The following DENND2C variants were observed in gnomAD, a reference collection of about 807,000 sequenced individuals.
The protein encoded by DENND2C is DENN domain-containing protein 2C.
DENND2C carries 72 observed loss-of-function variants against 112.4 expected under a neutral mutation model. The ratio of observed to expected loss-of-function variants is 0.64; its 90% CI spans 0.53 to 0.78. DENND2C has a LOEUF of 0.78. Among genes scored for constraint, DENND2C ranks in the 30% least tolerant of loss-of-function variants. The probability of loss-of-function intolerance (pLI) is 0.00; values close to 1 mark genes in which losing one functional copy is unlikely to be tolerated. For missense variants in DENND2C, 992 were observed against 1,113.8 expected (o/e 0.89, Z 1.56); for synonymous variants, 329 against 381.6 (o/e 0.86, Z 1.61).
At chr1:114,654,996 T>G (rs1657269705) in intron 1 of DENND2C, among the ~76,000 whole-genome samples, 1 of 152,190 alleles carries the variant, frequency 6.6e-6, no homozygotes, top group Non-Finnish European at 1.5e-5. Context: ...TATGGCTTAT[T>G]GACCAGGACT....
chr1:114,620,864 T>C (rs766233952), intron 7 of DENND2C, among the ~76,000 whole-genome samples: 10 of 152,034 alleles, frequency 6.6e-5, no homozygotes, highest in Non-Finnish European at 1.2e-4. Flanking sequence ...AAGGAACAAA[T>C]CAACAGTTAC....
At chr1:114,608,549 T>C (rs533916497) in intron 10 of DENND2C, 137 bp downstream of exon 10, 35 of 963,020 alleles carry the variant, frequency 3.6e-5, no homozygotes, top group Non-Finnish European at 5.1e-5. Flanking sequence ...TAAGATGTTT[T>C]CAAAGCCACC....
intron 7 of DENND2C, 25 bp downstream of exon 7, chr1:114,621,870 A>G: frequency 6.5e-7 from 1 of 1,549,818 alleles, no homozygotes; most frequent in Non-Finnish European, 8.7e-7. Flanking sequence ...TAAGAGTCAA[A>G]GAATGAAAGC....
rs1655971490 is a variant in DENND2C at position 114,616,332 on chromosome 1, C to A, written c.1324+2054G>T. On this transcript the variant is annotated intron_variant, in intron 8 of 20. Coordinates refer to ENST00000393274, the MANE Select transcript of DENND2C (RefSeq NM_001256404.2). Reference sequence around the variant, plus strand: ...ACTTGAATCCAGAAGGCAGAGGTTGCAGTGAGCTGAAATTGCACCACTGCA... The same window carrying A: ...ACTTGAATCCAGAAGGCAGAGGTTGAAGTGAGCTGAAATTGCACCACTGCA... Among the ~76,000 whole-genome samples the A allele has an allele frequency of 4.0e-5, 6 of 150,886 alleles. No individual in the cohort carries two copies. The South Asian group carries it at 1.3e-3, about 32-fold the overall frequency.
chr1:114,615,452 CTTCT>C (rs1264971215), intron 8 of DENND2C, among the ~76,000 whole-genome samples: 13 of 152,336 alleles, frequency 8.5e-5, no homozygotes, highest in African/African-American at 1.2e-4. Flanking sequence ...TCTGTCTTAG[CTTCT>C]TTGTTTGTAA....
Position 114,624,308 on chromosome 1 carries a change from T to G in DENND2C, c.807-665A>C, listed in dbSNP as rs928442042. On this transcript the variant is annotated intron_variant, in intron 4 of 20. Coordinates refer to ENST00000393274, the MANE Select transcript of DENND2C (RefSeq NM_001256404.2). Reference sequence around the variant, plus strand: ...ATTTTTTTGAATTTAATTTTTATTTTATGTTATTTTAGAGGCAGGGTCTCA... The same window carrying G: ...ATTTTTTTGAATTTAATTTTTATTTGATGTTATTTTAGAGGCAGGGTCTCA... 2.0e-5 allele frequency among the ~76,000 whole-genome samples: 3 copies of G among 152,154 alleles called. No homozygotes were observed. In the East Asian group the frequency reaches 5.8e-4, roughly 29 times the overall value.
At chr1:114,605,944 C>T (rs1171693755) in intron 10 of DENND2C, among the ~76,000 whole-genome samples, 1 of 152,176 alleles carries the variant, frequency 6.6e-6, no homozygotes, top group Non-Finnish European at 1.5e-5. Flanking sequence ...TGGTACTGTA[C>T]TTATATGACA....
chr1:114,616,940 C>A (rs767967120), intron 8 of DENND2C, among the ~76,000 whole-genome samples: 3 of 152,166 alleles, frequency 2.0e-5, no homozygotes, highest in Admixed American at 2.0e-4. Context: ...GCCTCAGAAT[C>A]ATGGTGGGAG....
chr1:114,613,531 T>C (rs1234310710), intron 8 of DENND2C, among the ~76,000 whole-genome samples: 2 of 152,192 alleles, frequency 1.3e-5, no homozygotes, highest in Non-Finnish European at 2.9e-5. Context: ...ACAAAAAGTA[T>C]AGTGTGACTA....
intron 2 of DENND2C, among the ~76,000 whole-genome samples, chr1:114,650,547 G>A (rs541708754): frequency 2.0e-5 from 3 of 150,442 alleles, no homozygotes; most frequent in East Asian, 2.0e-4. Context: ...AGTGGCGGGC[G>A]CCTGTAGTCC....
chr1:114,650,692 A>C (rs977144532), intron 2 of DENND2C, among the ~76,000 whole-genome samples: 14 of 151,442 alleles, frequency 9.2e-5, no homozygotes, highest in Admixed American at 6.6e-5. Flanking sequence ...AAAAAAAAAA[A>C]AAAGAATTTC....
At chr1:114,623,169 A>C in intron 5 of DENND2C, 70 bp from the exon 6 acceptor site, 1 of 1,403,252 alleles carries the variant, frequency 7.1e-7, no homozygotes, top group South Asian at 1.3e-5. Context: ...AGCTGGCAAA[A>C]GAAAGAAAAA....
At position 114,608,889 on chromosome 1, in the gene DENND2C, G is replaced by T; in HGVS notation, c.1370-16C>A. 6.2e-7 allele frequency: 1 copy of T among 1,613,682 alleles called. No homozygotes were observed. Reference sequence around the variant, plus strand: ...TTATGGCGATCTGTAATGAAATCATGGAGAAATGTTTTTTTCTCTGTAGCC... The same window carrying T: ...TTATGGCGATCTGTAATGAAATCATTGAGAAATGTTTTTTTCTCTGTAGCC... On this transcript the variant is annotated splice_polypyrimidine_tract_variant and intron_variant, in intron 9 of 20. Transcript: ENST00000393274.
chr1:114,664,472 T>C (rs1657593985), intron 1 of DENND2C, among the ~76,000 whole-genome samples: 1 of 151,910 alleles, frequency 6.6e-6, no homozygotes. Flanking sequence ...TTTATGTATT[T>C]ATTTATTTAT....
At chr1:114,619,991 A>T (rs1165899113) in intron 7 of DENND2C, among the ~76,000 whole-genome samples, 1 of 152,190 alleles carries the variant, frequency 6.6e-6, no homozygotes, top group Non-Finnish European at 1.5e-5. Context: ...GTAGTAGGAA[A>T]TGTACTCTAG....
rs147166702 is a variant in DENND2C at position 114,643,644 on chromosome 1, C to T, written c.-205+1804G>A. On this transcript the variant is annotated intron_variant, in intron 3 of 20. Coordinates refer to ENST00000393274, the MANE Select transcript of DENND2C (RefSeq NM_001256404.2). ...AATGGTTCCCAAAATAACAAAGAAA[C>T]TTTAAATAAACTCCTAATATTGCTT... 8.8e-4 allele frequency among the ~76,000 whole-genome samples: 134 copies of T among 152,236 alleles called. 1 individual carries two copies. Among genetic ancestry groups the T allele is most frequent in the African/African-American group, 3.1e-3 (129 of 41,556 alleles).
In DENND2C at chr1:114,586,972, A is replaced by G. The variant is rs1371437682; in HGVS notation, c.2755+415T>C. 5 of 167,362 alleles carry G rather than the reference A, an allele frequency of 3.0e-5. No homozygotes were observed. The East Asian group carries it at 8.0e-4, about 27-fold the overall frequency. The allele number at this position is 167,362 out of a possible 1,614,324, so 10.4% of individuals were successfully genotyped here. ...GAGTGCAATGGTGTGATCTCTGCTC[A>G]CCGTAACCTCCATATCCTGGGTTCA... On this transcript the variant is annotated intron_variant, in intron 20 of 20. Coordinates refer to ENST00000393274, the MANE Select transcript of DENND2C (RefSeq NM_001256404.2).
chr1:114,647,833 G>C (rs1657038165), intron 2 of DENND2C, among the ~76,000 whole-genome samples: 1 of 150,994 alleles, frequency 6.6e-6, no homozygotes, highest in African/African-American at 2.4e-5. Context: ...TTTTGAGACA[G>C]TCTCACTGTT....
At chr1:114,658,244 A>G (rs554669872) in intron 1 of DENND2C, among the ~76,000 whole-genome samples, 1 of 152,340 alleles carries the variant, frequency 6.6e-6, no homozygotes, top group Admixed American at 6.5e-5. Flanking sequence ...CAGAGTTATG[A>G]AAAAAACCTT....
Sources: allele counts gnomAD v4.1 joint callset (sites outside exome capture counted in the v4.1 genomes callset), GRCh38; gene constraint gnomAD v4.1.1; transcripts MANE v1.5; gene names NCBI Gene and HGNC (gene_info 2026-07-23, HGNC 2026-07-21).